ADAMTS3: variants seen among roughly 807,000 people sequenced by gnomAD.
ADAMTS3 encodes the protein A disintegrin and metalloproteinase with thrombospondin motifs 3.
In ADAMTS3, 73 loss-of-function variants were observed where a neutral mutation model predicts 129.0. The ratio of observed to expected loss-of-function variants is 0.57; its 90% CI spans 0.47 to 0.69. The LOEUF (loss-of-function observed/expected upper bound fraction) is 0.69. Ranked by LOEUF, ADAMTS3 falls within the 30% of genes least tolerant of loss-of-function variation. The pLI is 0.00. For missense variants in ADAMTS3, 1,457 were observed against 1,514.5 expected (o/e 0.96, Z 0.63); for synonymous variants, 477 against 510.8 (o/e 0.93, Z 0.89).
chr4:72,407,220 C>T (rs906344047), intron 4 of ADAMTS3, among the ~76,000 whole-genome samples: 7 of 151,938 alleles, frequency 4.6e-5, no homozygotes, highest in Admixed American at 2.0e-4. Flanking sequence ...TTCATATATT[C>T]CCATACTGGC....
chr4:72,408,915 G>A (rs908411689), intron 4 of ADAMTS3, among the ~76,000 whole-genome samples: 1 of 151,840 alleles, frequency 6.6e-6, no homozygotes, highest in Non-Finnish European at 1.5e-5. Context: ...AGGGCCGGTC[G>A]GGGGGTGGGG....
Position 72,283,571 on chromosome 4 carries a change from G to A in ADAMTS3, c.3183C>T (p.Tyr1061=), listed in dbSNP as rs114741266. Residue 1061 remains tyrosine (Y), a synonymous_variant, in exon 22 of 22, where the codon TAC becomes TAT. Coordinates refer to ENST00000286657, the MANE Select transcript of ADAMTS3 (RefSeq NM_014243.3). ...CATGAGTTTCAGCAGCTTCTAGAAGGTATGGTGGTGGCAGGGTGCTACTGC... is the reference window on the plus strand; with the variant it reads ...CATGAGTTTCAGCAGCTTCTAGAAGATATGGTGGTGGCAGGGTGCTACTGC... The part of the protein sequence containing the change: ...SKRSSTLPPP[Y]LLEAAETHDD... 939 of 1,614,030 alleles carry A rather than the reference G, an allele frequency of 5.8e-4. 6 individuals are homozygous for A. The African/African-American group carries it at 0.012, about 20-fold the overall frequency.
chr4:72,456,345 C>CTGTATATTT (rs1718615416), intron 3 of ADAMTS3, among the ~76,000 whole-genome samples: 5 of 22,158 alleles, frequency 2.3e-4, no homozygotes, highest in Non-Finnish European at 3.7e-4. Flanking sequence ...ACTGTATATA[C>CTGTATATTT]TATATATAGT....
At chr4:72,535,678 C>T (rs1380667474) in intron 3 of ADAMTS3, among the ~76,000 whole-genome samples, 2 of 152,072 alleles carry the variant, frequency 1.3e-5, no homozygotes, top group Non-Finnish European at 2.9e-5. Flanking sequence ...TTTCAATTGC[C>T]TCCACAGAGG....
chr4:72,542,383 C>A (rs1721356193), intron 3 of ADAMTS3, among the ~76,000 whole-genome samples: 1 of 152,126 alleles, frequency 6.6e-6, no homozygotes, highest in African/African-American at 2.4e-5. Flanking sequence ...CCAGGATGGT[C>A]TCGATCTCCT....
chr4:72,392,189 C>G (rs909345251), intron 4 of ADAMTS3, among the ~76,000 whole-genome samples: 2 of 152,094 alleles, frequency 1.3e-5, no homozygotes, highest in Admixed American at 1.3e-4. Context: ...TCCTGGAGAC[C>G]AGGGCCCCTC....
At chr4:72,477,623 T>C (rs1719278476) in intron 3 of ADAMTS3, among the ~76,000 whole-genome samples, 2 of 151,718 alleles carry the variant, frequency 1.3e-5, no homozygotes, top group East Asian at 1.9e-4. Context: ...AACATCACAA[T>C]TAAAAGATCT....
At chr4:72,409,058 A>T (rs1203280230) in intron 4 of ADAMTS3, among the ~76,000 whole-genome samples, 1 of 152,102 alleles carries the variant, frequency 6.6e-6, no homozygotes, top group Non-Finnish European at 1.5e-5. Flanking sequence ...CAGAACTTAA[A>T]GTATAATAAA....
At chr4:72,285,023 A>G (rs1718464916) in intron 21 of ADAMTS3, among the ~76,000 whole-genome samples, 1 of 152,242 alleles carries the variant, frequency 6.6e-6, no homozygotes, top group Non-Finnish European at 1.5e-5. Flanking sequence ...TGTGGCATTT[A>G]TGTAATAGAA....
chr4:72,548,669 C>T lies in ADAMTS3; in HGVS notation c.313G>A (p.Gly105Arg), dbSNP rs764306296. The T allele has an allele frequency of 6.2e-7, 1 of 1,614,000 alleles. No homozygotes were observed. Among genetic ancestry groups the T allele is most frequent in the Non-Finnish European group, 8.5e-7 (1 of 1,179,932 alleles). Residue 105 changes from glycine (G) to arginine (R), a missense_variant, in exon 3 of 22, where the codon GGG becomes AGG. By Grantham distance (125) the Gly-to-Arg change is moderately radical. Coordinates refer to ENST00000286657, the MANE Select transcript of ADAMTS3 (RefSeq NM_014243.3). ...LKPNTQLVAP[G>R]AVVEWHETSL... ...GTCTCATGCCACTCCACAACAGCCCCAGGAGCTACTAGTTGAGTGTTGGGC... is the reference window on the plus strand; with the variant it reads ...GTCTCATGCCACTCCACAACAGCCCTAGGAGCTACTAGTTGAGTGTTGGGC...
chr4:72,519,597 G>A (rs1312591064), intron 3 of ADAMTS3, among the ~76,000 whole-genome samples: 12 of 151,284 alleles, frequency 7.9e-5, no homozygotes, highest in Non-Finnish European at 1.5e-4. Context: ...TTCATCTTCC[G>A]TCACTGATAC....
chr4:72,340,717 T>A (rs184435390), intron 4 of ADAMTS3, among the ~76,000 whole-genome samples: 16 of 152,156 alleles, frequency 1.1e-4, no homozygotes, highest in Admixed American at 1.0e-3. Flanking sequence ...AGAGACACCA[T>A]CAGGTTTTAA....
At chr4:72,376,798 T>C (rs1053856926) in intron 4 of ADAMTS3, among the ~76,000 whole-genome samples, 5 of 152,272 alleles carry the variant, frequency 3.3e-5, no homozygotes, top group East Asian at 3.9e-4. Flanking sequence ...TTTGAACATA[T>C]AGGCTGTTCC....
intron 3 of ADAMTS3, among the ~76,000 whole-genome samples, chr4:72,475,316 T>C (rs930501220): frequency 6.6e-6 from 1 of 151,992 alleles, no homozygotes; most frequent in Non-Finnish European, 1.5e-5. Flanking sequence ...GAATGCAATA[T>C]ATACATAATG....
At chr4:72,423,160 G>A (rs1722488267) in intron 3 of ADAMTS3, among the ~76,000 whole-genome samples, 1 of 151,966 alleles carries the variant, frequency 6.6e-6, no homozygotes, top group Admixed American at 6.6e-5. Flanking sequence ...GCTTTTTTTG[G>A]TGCCTCATGA....
chr4:72,523,515 C>T (rs1406606754), intron 3 of ADAMTS3, among the ~76,000 whole-genome samples: 1 of 152,088 alleles, frequency 6.6e-6, no homozygotes, highest in Non-Finnish European at 1.5e-5. Flanking sequence ...AACTTATTGT[C>T]TGCCCAGCAT....
In ADAMTS3 at chr4:72,425,340, CT is replaced by C. The variant is rs199932878; in HGVS notation, c.505-10370del. On this transcript the variant is annotated intron_variant, in intron 3 of 21. Coordinates refer to ENST00000286657, the MANE Select transcript of ADAMTS3 (RefSeq NM_014243.3). Reference sequence around the variant, plus strand: ...TTATTTTTAATTTGGGCATTTGATTCTTTTTTTTTATACTTTACATTTTAGG... The same window carrying C: ...TTATTTTTAATTTGGGCATTTGATTCTTTTTTTTATACTTTACATTTTAGG... Among the ~76,000 whole-genome samples the C allele has an allele frequency of 2.3e-4, 34 of 151,032 alleles. No individual in the cohort carries two copies. In the East Asian group the frequency reaches 3.9e-3, roughly 17 times the overall value.
chr4:72,328,748 A>G (rs1719762221), intron 5 of ADAMTS3, among the ~76,000 whole-genome samples: 1 of 152,212 alleles, frequency 6.6e-6, no homozygotes, highest in African/African-American at 2.4e-5. Context: ...GCAAATAAAC[A>G]CCACATATAT....
intron 10 of ADAMTS3, among the ~76,000 whole-genome samples, chr4:72,318,125 C>T (rs1719449654): frequency 6.6e-6 from 1 of 152,060 alleles, no homozygotes; most frequent in South Asian, 2.1e-4. Context: ...TATACCAGCA[C>T]AATCCTTCCC....
Sources: gnomAD v4.1 joint callset for allele counts (sites outside exome capture counted in the v4.1 genomes callset) on GRCh38, gnomAD v4.1.1 for gene constraint, MANE v1.5 for transcripts, NCBI Gene and HGNC (gene_info 2026-07-23, HGNC 2026-07-21) for gene names.